The following MTHFS variants were observed in gnomAD, a reference collection of about 807,000 sequenced individuals.
MTHFS encodes the protein methenyltetrahydrofolate synthetase.
Under a neutral mutation model 12.7 loss-of-function variants are expected in MTHFS, and 7 were observed. That is an observed-to-expected ratio of 0.55 (90% CI 0.31 to 1.03). The LOEUF is 1.03. Ranked by LOEUF, MTHFS falls within the 50% of genes least tolerant of loss-of-function variation. The pLI is 0.05. For missense variants in MTHFS, 252 were observed against 258.1 expected (o/e 0.98, Z 0.16); for synonymous variants, 100 against 97.1 (o/e 1.03, Z -0.18).
intron 1 of MTHFS, 113 bp downstream of exon 1, chr15:79,896,759 G>GC: frequency 2.1e-6 from 3 of 1,449,662 alleles, no homozygotes; most frequent in Non-Finnish European, 2.7e-6. Flanking sequence ...GCCGGGGGGT[G>GC]GGGGGGCGCC....
chr15:79,890,667 T>C (rs149310575), intron 1 of MTHFS, among the ~76,000 whole-genome samples: 1 of 152,350 alleles, frequency 6.6e-6, no homozygotes, highest in East Asian at 1.9e-4. Flanking sequence ...AAGTAGCTTA[T>C]AAATATGACT....
chr15:79,868,156 T>G (rs1053386682), intron 2 of MTHFS, among the ~76,000 whole-genome samples: 2 of 152,226 alleles, frequency 1.3e-5, no homozygotes, highest in African/African-American at 4.8e-5. Context: ...TTAAGCAGAC[T>G]AAACTTAAGT....
Position 79,889,250 on chromosome 15 carries a change from T to C in MTHFS, c.222A>G (p.Arg74=). 2 of 1,614,232 alleles carry C rather than the reference T, an allele frequency of 1.2e-6. No homozygotes were observed. Among genetic ancestry groups the C allele is most frequent in the Non-Finnish European group, 1.7e-6 (2 of 1,180,032 alleles). ...TEEIIKDIFQ[R]GKICFIPRYR... is the part of the protein sequence containing the mutation. ...ACCGAGGGATGAAGCAGATTTTGCC[T>C]CGTTGGAAAATGTCCTTGATGATCT... The change falls in exon 2 of 3, where the codon CGA becomes CGG. Residue 74 remains arginine, a synonymous_variant. Transcript: ENST00000258874.
rs547782885 is a variant in MTHFS, at chr15:79,874,980, A to G, written c.379+14113T>C. Among the ~76,000 whole-genome samples the G allele has an allele frequency of 6.6e-5, 10 of 152,160 alleles. No individual in the cohort carries two copies. The South Asian group carries it at 8.3e-4, about 13-fold the overall frequency. On this transcript the variant is annotated intron_variant, in intron 2 of 2. Coordinates refer to ENST00000258874, the MANE Select transcript of MTHFS (RefSeq NM_006441.4). Reference sequence around the variant, plus strand: ...AATTTGTGCAGTTAACGCAATCATCACAGGGTCCTGAGGCGACACACATCC... The same window carrying G: ...AATTTGTGCAGTTAACGCAATCATCGCAGGGTCCTGAGGCGACACACATCC...
intron 2 of MTHFS, among the ~76,000 whole-genome samples, chr15:79,879,296 T>C (rs2034254676): frequency 6.6e-6 from 1 of 151,720 alleles, no homozygotes; most frequent in Admixed American, 6.6e-5. Flanking sequence ...TTTAATATTT[T>C]GTGTTTTACC....
At chr15:79,868,939 C>G (rs1186265236) in intron 2 of MTHFS, among the ~76,000 whole-genome samples, 2 of 151,930 alleles carry the variant, frequency 1.3e-5, no homozygotes, top group Non-Finnish European at 1.5e-5. Flanking sequence ...TCTGAGAACT[C>G]TGACTATACA....
chr15:79,895,278 T>G (rs2034548866), intron 1 of MTHFS, among the ~76,000 whole-genome samples: 1 of 152,240 alleles, frequency 6.6e-6, no homozygotes, highest in Non-Finnish European at 1.5e-5. Context: ...CATCTTTCCC[T>G]TCACCTGAAA....
At chr15:79,884,654 A>G (rs1021591600) in intron 2 of MTHFS, among the ~76,000 whole-genome samples, 1 of 152,248 alleles carries the variant, frequency 6.6e-6, no homozygotes, top group Non-Finnish European at 1.5e-5. Flanking sequence ...GGAAGGAGGC[A>G]AGGATAATTC....
intron 2 of MTHFS, among the ~76,000 whole-genome samples, chr15:79,879,773 C>T (rs1313653709): frequency 6.6e-6 from 1 of 152,132 alleles, no homozygotes; most frequent in African/African-American, 2.4e-5. Flanking sequence ...TTATACACAG[C>T]ACATGCATAT....
At chr15:79,878,661 G>A (rs533281865) in intron 2 of MTHFS, among the ~76,000 whole-genome samples, 8 of 151,214 alleles carry the variant, frequency 5.3e-5, no homozygotes, top group African/African-American at 1.9e-4. Context: ...CAGGGAACAG[G>A]AATCTATAAA....
Position 79,859,448 on chromosome 15 carries a change from T to A in MTHFS, c.380-14006A>T, listed in dbSNP as rs150142216. Among the ~76,000 whole-genome samples the A allele has an allele frequency of 1.2e-3, 182 of 152,278 alleles. 1 individual carries two copies. Among genetic ancestry groups the A allele is most frequent in the African/African-American group, 3.2e-3 (131 of 41,556 alleles). ...TACACACCCAAACATATATAAGAAT[T>A]TTGTTCATGAAAAGGTAGGGAAAGG... On this transcript the variant is annotated intron_variant, in intron 2 of 2. Transcript: ENST00000258874.
intron 2 of MTHFS, among the ~76,000 whole-genome samples, chr15:79,862,148 G>A (rs536291844): frequency 2.0e-5 from 3 of 151,900 alleles, no homozygotes; most frequent in Non-Finnish European, 4.4e-5. Context: ...TGGCCAAGAC[G>A]GCTAACTGAA....
Position 79,845,322 on chromosome 15 carries a change from T to C in MTHFS, c.500A>G (p.Lys167Arg), listed in dbSNP as rs2033591061. 6.2e-7 allele frequency: 1 copy of C among 1,614,196 alleles called. No homozygotes were observed. Among genetic ancestry groups the C allele is most frequent in the African/African-American group, 1.3e-5 (1 of 75,056 alleles). ...GAAAGCCAACGCCAGGGTGTAGGGC[T>C]TCACTTCCTGATGCTGCAAACAGCG... ...LKRCLQHQEV[K>R]PYTLALAFKE... The change falls in exon 3 of 3, where the codon AAG (lysine) becomes AGG (arginine). Residue 167 changes from lysine to arginine, a missense_variant. Lys to Arg is a conservative substitution (Grantham distance 26). Transcript: ENST00000258874.
At chr15:79,875,758 C>G (rs1293914051) in intron 2 of MTHFS, among the ~76,000 whole-genome samples, 1 of 152,104 alleles carries the variant, frequency 6.6e-6, no homozygotes, top group African/African-American at 2.4e-5. Flanking sequence ...CTTCAAAGTT[C>G]ACCATCAAGA....
At chr15:79,895,336 A>G (rs1310800888) in intron 1 of MTHFS, among the ~76,000 whole-genome samples, 3 of 152,212 alleles carry the variant, frequency 2.0e-5, no homozygotes. Flanking sequence ...TTCCAATAGA[A>G]AGCTTTCCAA....
intron 2 of MTHFS, among the ~76,000 whole-genome samples, chr15:79,875,073 T>A (rs1337160164): frequency 6.6e-6 from 1 of 152,114 alleles, no homozygotes. Flanking sequence ...ACAAGAGTAT[T>A]GATTGGGGAA....
chr15:79,884,587 G>C (rs1387676653), intron 2 of MTHFS, among the ~76,000 whole-genome samples: 1 of 152,178 alleles, frequency 6.6e-6, no homozygotes, highest in Non-Finnish European at 1.5e-5. Context: ...ACTGGAATTA[G>C]AGAAAGACAG....
chr15:79,851,478 AC>A (rs1310675941), intron 2 of MTHFS, among the ~76,000 whole-genome samples: 1 of 152,206 alleles, frequency 6.6e-6, no homozygotes, highest in African/African-American at 2.4e-5. Context: ...CCTGTGAGAT[AC>A]CTAACTCTTA....
intron 2 of MTHFS, among the ~76,000 whole-genome samples, chr15:79,856,615 G>T (rs944321882): frequency 6.6e-6 from 1 of 152,156 alleles, no homozygotes; most frequent in African/African-American, 2.4e-5. Context: ...CTGAAGAAAG[G>T]GGGGAAAGAA....
Sources: gnomAD v4.1 joint callset for allele counts (sites outside exome capture counted in the v4.1 genomes callset) on GRCh38, gnomAD v4.1.1 for gene constraint, MANE v1.5 for transcripts, NCBI Gene and HGNC (gene_info 2026-07-23, HGNC 2026-07-21) for gene names.